GPR83: variants seen among roughly 807,000 people sequenced by gnomAD.
The protein encoded by GPR83 is G protein-coupled receptor 83.
A neutral mutation model predicts 28.0 loss-of-function variants in GPR83; 23 were observed. The ratio of observed to expected loss-of-function variants is 0.82; its 90% CI spans 0.59 to 1.16. GPR83 has a LOEUF of 1.16. Ranked by LOEUF, GPR83 falls within the 50% of genes most tolerant of loss-of-function variation. The probability of loss-of-function intolerance (pLI) is 0.00; values close to 1 mark genes in which losing one functional copy is unlikely to be tolerated. For synonymous variants in GPR83, 234 were observed against 215.4 expected (o/e 1.09, Z -0.76); for missense variants, 610 against 536.6 (o/e 1.14, Z -1.35).
In GPR83 at chr11:94,381,596, G is replaced by A. The variant is rs914680525; in HGVS notation, c.648-823C>T. On this transcript the variant is annotated intron_variant, in intron 3 of 3. Coordinates refer to ENST00000243673, the MANE Select transcript of GPR83 (RefSeq NM_016540.4). ...GTGTGTGTGCGCGCGTGCTGCAGGTGGGGTGGCACATGGCTCCTGTGGCAG... is the reference window on the plus strand; with the variant it reads ...GTGTGTGTGCGCGCGTGCTGCAGGTAGGGTGGCACATGGCTCCTGTGGCAG... 5.4e-5 allele frequency among the ~76,000 whole-genome samples: 6 copies of A among 110,420 alleles called. 1 individual carries two copies. The highest frequency in any genetic ancestry group is 1.8e-4 in the African/African-American group (6 of 33,100). The allele number at this position is 110,420 out of a possible 152,430, so 72.4% of individuals were successfully genotyped here.
In GPR83 at chr11:94,380,110, T is replaced by G; in HGVS notation, c.*39A>C. ...ATAGGCTCTCTTTCCCTGCCTCAGG[T>G]GGAGACAGACCCCTCCCACTCCCTC... On this transcript the variant is annotated 3_prime_UTR_variant, in exon 4 of 4. Coordinates refer to ENST00000243673, the MANE Select transcript of GPR83 (RefSeq NM_016540.4). 6.8e-7 allele frequency: 1 copy of G among 1,468,544 alleles called. No individual in the cohort carries two copies. The highest frequency in any genetic ancestry group is 1.5e-5 in the South Asian group (1 of 66,852). The allele number at this position is 1,468,544 out of a possible 1,614,324, so 91.0% of individuals were successfully genotyped here. A position where few individuals can be genotyped will look rare whatever the true frequency, so the allele number is the denominator to read the frequency against.
chr11:94,392,424 A>G (rs1249772075), intron 3 of GPR83, among the ~76,000 whole-genome samples: 1 of 152,098 alleles, frequency 6.6e-6, no homozygotes, highest in Non-Finnish European at 1.5e-5. Flanking sequence ...TATACCACAA[A>G]ACTGCACATT....
intron 3 of GPR83, among the ~76,000 whole-genome samples, chr11:94,385,911 T>G (rs1376029869): frequency 6.6e-6 from 1 of 152,060 alleles, no homozygotes; most frequent in Non-Finnish European, 1.5e-5. Context: ...TTCACTGAAG[T>G]TGAAACGAAG....
intron 3 of GPR83, among the ~76,000 whole-genome samples, chr11:94,384,810 G>A (rs1213463530): frequency 6.6e-6 from 1 of 152,194 alleles, no homozygotes; most frequent in African/African-American, 2.4e-5. Context: ...AGAAACCTCT[G>A]CAGATTTAAA....
chr11:94,380,111 G>A lies in GPR83; in HGVS notation c.*38C>T. ...TAGGCTCTCTTTCCCTGCCTCAGGT[G>A]GAGACAGACCCCTCCCACTCCCTCT... On this transcript the variant is annotated 3_prime_UTR_variant, in exon 4 of 4. Transcript: ENST00000243673. 1 of 1,471,882 alleles carries A rather than the reference G, an allele frequency of 6.8e-7. No individual in the cohort carries two copies. The highest frequency in any genetic ancestry group is 9.1e-7 in the Non-Finnish European group (1 of 1,101,390). The allele number at this position is 1,471,882 out of a possible 1,614,324, so 91.2% of individuals were successfully genotyped here. A position where few individuals can be genotyped will look rare whatever the true frequency, so the allele number is the denominator to read the frequency against.
chr11:94,383,862 G>T (rs761542291), intron 3 of GPR83, among the ~76,000 whole-genome samples: 2 of 152,106 alleles, frequency 1.3e-5, no homozygotes, highest in African/African-American at 4.8e-5. Flanking sequence ...ACCAAAAAAA[G>T]TCCAGGACCA....
At chr11:94,394,708 C>T (rs1310188978) in intron 2 of GPR83, among the ~76,000 whole-genome samples, 1 of 152,138 alleles carries the variant, frequency 6.6e-6, no homozygotes, top group Non-Finnish European at 1.5e-5. Flanking sequence ...GCACATCTCC[C>T]TTCTGGATTC....
chr11:94,383,366 G>A (rs1042787604), intron 3 of GPR83, among the ~76,000 whole-genome samples: 1 of 152,056 alleles, frequency 6.6e-6, no homozygotes, highest in Admixed American at 6.6e-5. Flanking sequence ...AGCACTAAGT[G>A]CCCACAAGAG....
At chr11:94,391,766 C>T (rs1944819406) in intron 3 of GPR83, among the ~76,000 whole-genome samples, 1 of 152,148 alleles carries the variant, frequency 6.6e-6, no homozygotes, top group South Asian at 2.1e-4. Flanking sequence ...ATCAAAATTA[C>T]AATGAGATAC....
intron 3 of GPR83, among the ~76,000 whole-genome samples, chr11:94,385,237 A>G (rs1944740203): frequency 6.6e-6 from 1 of 152,182 alleles, no homozygotes; most frequent in African/African-American, 2.4e-5. Flanking sequence ...ATAAAACCAC[A>G]AAGATGGGGA....
intron 3 of GPR83, among the ~76,000 whole-genome samples, chr11:94,390,885 A>G (rs1944810536): frequency 6.6e-6 from 1 of 152,214 alleles, no homozygotes; most frequent in Non-Finnish European, 1.5e-5. Flanking sequence ...TATCATGAAA[A>G]TGGCCATACT....
intron 1 of GPR83, among the ~76,000 whole-genome samples, 168 bp from the exon 2 acceptor site, chr11:94,396,692 ATT>A (rs1290884912): frequency 6.6e-6 from 1 of 152,086 alleles, no homozygotes; most frequent in African/African-American, 2.4e-5. Flanking sequence ...AGCACAACTC[ATT>A]TTCATTCATT....
At position 94,380,408 on chromosome 11, in the gene GPR83, G is replaced by T; in HGVS notation, c.1013C>A (p.Thr338Asn). The T allele has an allele frequency of 6.2e-7, 1 of 1,614,210 alleles. No homozygotes were observed. Among genetic ancestry groups the T allele is most frequent in the Non-Finnish European group, 8.5e-7 (1 of 1,180,026 alleles). Reference sequence around the variant, plus strand: ...GCAGTATATGAAGGGGTTATAGCAGGTGCTGCTCATGGCAAACCAGTGGAA... The same window carrying T: ...GCAGTATATGAAGGGGTTATAGCAGTTGCTGCTCATGGCAAACCAGTGGAA... ...FAFHWFAMSS[T>N]CYNPFIYCWL... Residue 338 changes from threonine to asparagine, a missense_variant, in exon 4 of 4, where the codon ACC becomes AAC. Transcript: ENST00000243673.
intron 3 of GPR83, among the ~76,000 whole-genome samples, chr11:94,384,600 G>T (rs570020393): frequency 6.6e-6 from 1 of 152,152 alleles, no homozygotes; most frequent in Admixed American, 6.5e-5. Context: ...GCCAAGGAAA[G>T]GGGTGACAGA....
In GPR83 at chr11:94,401,386, A is replaced by T; in HGVS notation, c.-139T>A. On this transcript the variant is annotated 5_prime_UTR_variant, in exon 1 of 4. Transcript: ENST00000243673. ...GCCAGGGAGCCCGGACGCGCGGAGC[A>T]CCGCGCCGCCCGCCACCAGCCCGCG... 1 of 764,574 alleles carries T rather than the reference A, an allele frequency of 1.3e-6. No individual in the cohort carries two copies. The highest frequency in any genetic ancestry group is 3.3e-5 in the East Asian group (1 of 30,706). The allele number at this position is 764,574 out of a possible 1,614,324, so 47.4% of individuals were successfully genotyped here.
chr11:94,396,813 T>C (rs529966475), intron 1 of GPR83, among the ~76,000 whole-genome samples: 2 of 151,976 alleles, frequency 1.3e-5, no homozygotes, highest in African/African-American at 4.8e-5. Flanking sequence ...TAATAGTTTC[T>C]TACTGTGAGG....
At chr11:94,398,543 T>G (rs893306644) in intron 1 of GPR83, among the ~76,000 whole-genome samples, 6 of 152,348 alleles carry the variant, frequency 3.9e-5, no homozygotes, top group Admixed American at 3.9e-4. Flanking sequence ...GCAGTCTCCT[T>G]TGACCCTCTC....
chr11:94,383,068 T>C (rs1457614885), intron 3 of GPR83, among the ~76,000 whole-genome samples: 1 of 150,266 alleles, frequency 6.7e-6, no homozygotes. Context: ...CTCGGGAGGC[T>C]GAGGGAGGAG....
intron 3 of GPR83, among the ~76,000 whole-genome samples, chr11:94,390,752 A>C (rs1194329666): frequency 6.6e-6 from 1 of 152,200 alleles, no homozygotes; most frequent in East Asian, 1.9e-4. Flanking sequence ...AATGCCTAGG[A>C]ATACAACTTA....
Sources: gnomAD v4.1 joint callset for allele counts (sites outside exome capture counted in the v4.1 genomes callset) on GRCh38, gnomAD v4.1.1 for gene constraint, MANE v1.5 for transcripts, NCBI Gene and HGNC (gene_info 2026-07-23, HGNC 2026-07-21) for gene names.